The following UNK variants were observed in gnomAD, a reference collection of about 807,000 sequenced individuals.
UNK encodes the protein RING finger protein unkempt homolog.
In UNK, 32 loss-of-function variants were observed where a neutral mutation model predicts 97.6. That is an observed-to-expected ratio of 0.33 (90% CI 0.25 to 0.44). The LOEUF (loss-of-function observed/expected upper bound fraction) is 0.44, where lower values mean the gene tolerates loss of function less well. Among genes scored for constraint, UNK ranks in the 20% least tolerant of loss-of-function variants. The pLI is 1.00. For synonymous variants in UNK, 441 were observed against 461.2 expected (o/e 0.96, Z 0.56); for missense variants, 771 against 1,098.4 (o/e 0.70, Z 4.21).
chr17:75,794,400 G>A (rs992538049), intron 1 of UNK, among the ~76,000 whole-genome samples: 1 of 152,156 alleles, frequency 6.6e-6, no homozygotes, highest in Admixed American at 6.5e-5. Flanking sequence ...ATTTTGGGAG[G>A]CTGAGGCGGG....
chr17:75,785,165 T>G, intron 1 of UNK, 181 bp downstream of exon 1: 1 of 504,030 alleles, frequency 2.0e-6, no homozygotes, highest in Non-Finnish European at 3.5e-6. Context: ...GCCACCAACC[T>G]CTGGTCGGGC....
At chr17:75,809,352 G>A (rs890542090) in intron 1 of UNK, among the ~76,000 whole-genome samples, 2 of 152,250 alleles carry the variant, frequency 1.3e-5, no homozygotes, top group Admixed American at 1.3e-4. Context: ...TGCAACAACA[G>A]GCAGGTGGAC....
At position 75,822,731 on chromosome 17, in the gene UNK, T is replaced by C. The variant is rs1106344; in HGVS notation, c.2019+73T>C. ...CAGCCCAAGACCTTCCTTCACAGAG[T>C]GGGCGTGGGGTGGGGGAAAGCGGGG... is the stretch of plus-strand genomic sequence containing the variant. On this transcript the variant is annotated intron_variant, in intron 14 of 15. Coordinates refer to ENST00000589666, the MANE Select transcript of UNK (RefSeq NM_001080419.3). The C allele has an allele frequency of 1.6e-3, 2,248 of 1,447,136 alleles. 34 individuals are homozygous for C. The African/African-American group carries it at 0.03, about 19-fold the overall frequency. 89.6% of individuals were successfully genotyped at this position (1,447,136 alleles called of 1,614,324 possible). A position where few individuals can be genotyped will look rare whatever the true frequency, so the allele number is the denominator to read the frequency against.
intron 13 of UNK, chr17:75,822,010 C>A: frequency 3.4e-6 from 1 of 291,236 alleles, no homozygotes; most frequent in Non-Finnish European, 6.7e-6. Flanking sequence ...TGAGCTCTTC[C>A]TGCCCCAGCT....
chr17:75,800,891 G>A (rs925785317), intron 1 of UNK, among the ~76,000 whole-genome samples: 14 of 151,782 alleles, frequency 9.2e-5, no homozygotes, highest in African/African-American at 2.4e-4. Context: ...ATTGCTGCAC[G>A]TGTCAGCATA....
chr17:75,805,844 GTATAATATATA>G (rs2061909382), intron 1 of UNK, among the ~76,000 whole-genome samples: 1 of 147,790 alleles, frequency 6.8e-6, no homozygotes, highest in Non-Finnish European at 1.5e-5. Context: ...GTGTGTGTGT[GTATAATATATA>G]TGTATGTATT....
chr17:75,818,216 G>A lies in UNK; in HGVS notation c.1371+48G>A, dbSNP rs1756488464. 6.2e-7 allele frequency: 1 copy of A among 1,606,720 alleles called. No homozygotes were observed. The highest frequency in any genetic ancestry group is 8.5e-7 in the Non-Finnish European group (1 of 1,175,140). ...CCTCCCCTCTGCTGTGGACAGGAGT[G>A]GCCCAGAACCCCAGGAGGCTTCGGG... is the stretch of plus-strand genomic sequence containing the variant. On this transcript the variant is annotated intron_variant, in intron 10 of 15. Coordinates refer to ENST00000589666, the MANE Select transcript of UNK (RefSeq NM_001080419.3). The surrounding 1 kb of genome is among the most constrained non-coding windows in gnomAD (Gnocchi z 5.1).
chr17:75,809,493 C>T (rs1477865533), intron 1 of UNK, among the ~76,000 whole-genome samples: 1 of 152,248 alleles, frequency 6.6e-6, no homozygotes, highest in Non-Finnish European at 1.5e-5. Context: ...CTGATTAACG[C>T]CACAGCTGGT....
Position 75,825,797 on chromosome 17 carries a change from G to A in UNK, c.*1380G>A, listed in dbSNP as rs1425869794. The A allele has an allele frequency of 1.3e-5, 2 of 152,242 alleles. No individual in the cohort carries two copies. Among genetic ancestry groups the A allele is most frequent in the African/African-American group, 4.8e-5 (2 of 41,466 alleles). 9.4% of individuals were successfully genotyped at this position (152,242 alleles called of 1,614,324 possible). A position where few individuals can be genotyped will look rare whatever the true frequency, so the allele number is the denominator to read the frequency against. Reference sequence around the variant, plus strand: ...CCTATTGGAAATAAAATATGAACTTGCAGTGGTAGCTTGTTTACATGGGGG... The same window carrying A: ...CCTATTGGAAATAAAATATGAACTTACAGTGGTAGCTTGTTTACATGGGGG... On this transcript the variant is annotated 3_prime_UTR_variant, in exon 16 of 16. Transcript: ENST00000589666. The surrounding 1 kb of genome is among the most constrained non-coding windows in gnomAD (Gnocchi z 4.4).
At chr17:75,811,557 T>C (rs1167315516) in intron 2 of UNK, among the ~76,000 whole-genome samples, 2 of 152,236 alleles carry the variant, frequency 1.3e-5, no homozygotes, top group African/African-American at 4.8e-5. Flanking sequence ...CCGATGTCTG[T>C]CCTGCCCTGG....
Position 75,817,304 on chromosome 17 carries a change from T to C in UNK, c.1105-22T>C, listed in dbSNP as rs764258660. The C allele has an allele frequency of 6.5e-7, 1 of 1,547,146 alleles. No homozygotes were observed. The highest frequency in any genetic ancestry group is 8.7e-7 in the Non-Finnish European group (1 of 1,144,610). ...GCCTGCGCTGTGCCCACGGGCCCACTCCCTCCCCTCCTTCTCCGCAGCTCC... is the reference window on the plus strand; with the variant it reads ...GCCTGCGCTGTGCCCACGGGCCCACCCCCTCCCCTCCTTCTCCGCAGCTCC... On this transcript the variant is annotated intron_variant, in intron 8 of 15. Transcript: ENST00000589666. This position sits in a 1 kb window ranked among gnomAD's most constrained non-coding sequence, Gnocchi z 5.8.
chr17:75,812,253 G>C lies in UNK; in HGVS notation c.456G>C (p.Gly152=). 6.2e-7 allele frequency: 1 copy of C among 1,613,692 alleles called. No individual in the cohort carries two copies. Among genetic ancestry groups the C allele is most frequent in the Admixed American group, 1.7e-5 (1 of 60,012 alleles). The change falls in exon 3 of 16, where the codon GGG becomes GGC. Residue 152 remains glycine (G), a synonymous_variant. Transcript: ENST00000589666. The part of the protein sequence containing the change: ...KNGLHCAFAH[G]PHDLRSPVYD... ...GCCTGCACTGCGCTTTTGCCCACGG[G>C]CCCCATGACCTCCGCTCCCCTGTCT...
At chr17:75,790,387 T>C (rs1290957082) in intron 1 of UNK, among the ~76,000 whole-genome samples, 1 of 151,948 alleles carries the variant, frequency 6.6e-6, no homozygotes, top group Non-Finnish European at 1.5e-5. Context: ...TCCCAACTCG[T>C]TGGGAAGCTG....
chr17:75,806,319 C>A (rs959377877), intron 1 of UNK, among the ~76,000 whole-genome samples: 3 of 151,282 alleles, frequency 2.0e-5, no homozygotes, highest in African/African-American at 7.3e-5. Flanking sequence ...ATTAGCCAGG[C>A]GTGGTAGCAT....
intron 15 of UNK, among the ~76,000 whole-genome samples, chr17:75,823,740 C>G (rs2062091793): frequency 6.6e-6 from 1 of 152,180 alleles, no homozygotes; most frequent in African/African-American, 2.4e-5. Flanking sequence ...GGTGCCACCC[C>G]CAGCACCCCT....
At chr17:75,813,311 C>T in intron 5 of UNK, 98 bp downstream of exon 5, 2 of 1,452,436 alleles carry the variant, frequency 1.4e-6, no homozygotes, top group Middle Eastern at 2.4e-4. Context: ...GGAGGGGAGG[C>T]TGGTCCTGGG....
At chr17:75,785,953 C>G (rs1029953693) in intron 1 of UNK, 1 of 152,108 alleles carries the variant, frequency 6.6e-6, no homozygotes. Context: ...TTGAACAGCT[C>G]TTAAGTTGTT....
chr17:75,803,285 C>T (rs1439265188), intron 1 of UNK, among the ~76,000 whole-genome samples: 1 of 152,164 alleles, frequency 6.6e-6, no homozygotes, highest in Non-Finnish European at 1.5e-5. Context: ...CACCTGTAGT[C>T]CCAGCTACTT....
chr17:75,824,401 A>G lies in UNK; in HGVS notation c.2417A>G (p.His806Arg), dbSNP rs1425783871. Reference protein sequence around the residue: ...ECPICQPGRAHTLQS With the variant: ...ECPICQPGRARTLQS ...CCCATCTGCCAGCCTGGCCGGGCCC[A>G]CACCCTCCAGTCGTGACCCTGCAGG... Residue 806 changes from histidine to arginine, a missense_variant, in exon 16 of 16, where the codon CAC (histidine) becomes CGC (arginine). Transcript: ENST00000589666. The surrounding 1 kb of genome is among the most constrained non-coding windows in gnomAD (Gnocchi z 4.9). 1.3e-6 allele frequency: 2 copies of G among 1,554,894 alleles called. No homozygotes were observed. Among genetic ancestry groups the G allele is most frequent in the Non-Finnish European group, 8.7e-7 (1 of 1,154,098 alleles).
Sources: gnomAD v4.1 joint callset for allele counts (sites outside exome capture counted in the v4.1 genomes callset) on GRCh38, gnomAD v4.1.1 for gene constraint, Gnocchi (gnomAD v3.1) non-coding constraint, MANE v1.5 for transcripts, NCBI Gene and HGNC (gene_info 2026-07-23, HGNC 2026-07-21) for gene names.